PLAAT1: variants seen among roughly 807,000 people sequenced by gnomAD.
The protein encoded by PLAAT1 is phospholipase A and acyltransferase 1, also known as H-REV107 protein-related protein.
PLAAT1 carries 13 observed loss-of-function variants against 16.4 expected under a neutral mutation model. That is an observed-to-expected ratio of 0.79 (90% CI 0.52 to 1.26). The LOEUF is 1.26. Among genes scored for constraint, PLAAT1 ranks in the 50% most tolerant of loss-of-function variants. The probability of loss-of-function intolerance (pLI) is 0.00; values close to 1 mark genes in which losing one functional copy is unlikely to be tolerated. For missense variants in PLAAT1, 218 were observed against 207.8 expected (o/e 1.05, Z -0.30); for synonymous variants, 73 against 78.4 (o/e 0.93, Z 0.36).
intron 1 of PLAAT1, among the ~76,000 whole-genome samples, chr3:193,245,489 A>G (rs573433977): frequency 3.3e-5 from 5 of 152,340 alleles, no homozygotes; most frequent in Admixed American, 6.5e-5. Context: ...GAACAATGCT[A>G]AAATGAACAT....
chr3:193,267,330 G>A (rs964577950), intron 3 of PLAAT1, among the ~76,000 whole-genome samples: 1 of 151,902 alleles, frequency 6.6e-6, no homozygotes, highest in Non-Finnish European at 1.5e-5. Flanking sequence ...TAATTTTCCT[G>A]CCCTAAAACT....
intron 1 of PLAAT1, among the ~76,000 whole-genome samples, chr3:193,255,009 A>G (rs1716321256): frequency 2.0e-5 from 3 of 152,168 alleles, no homozygotes; most frequent in Non-Finnish European, 2.9e-5. Flanking sequence ...TTTGTAATAT[A>G]TGGCATTTTT....
chr3:193,268,738 G>A (rs2367474), intron 3 of PLAAT1, among the ~76,000 whole-genome samples: 58,222 of 151,962 alleles, frequency 0.38, 12,788 homozygotes, highest in Non-Finnish European at 0.48. Flanking sequence ...ATGATATCTG[G>A]CCTTTGTCAT....
At chr3:193,264,217 G>T (rs915155853) in intron 3 of PLAAT1, among the ~76,000 whole-genome samples, 1 of 152,120 alleles carries the variant, frequency 6.6e-6, no homozygotes. Flanking sequence ...AAGAAATGAG[G>T]TTATAATTCT....
downstream of PLAAT1, among the ~76,000 whole-genome samples, chr3:193,278,659 A>C (rs1185134270): frequency 2.6e-5 from 4 of 152,180 alleles, no homozygotes; most frequent in African/African-American, 4.8e-5. Flanking sequence ...GTTGCATCTC[A>C]TCAATGAAAT....
chr3:193,270,583 T>G (rs1716951154), intron 3 of PLAAT1, 21 bp from the exon 4 acceptor site: 1 of 1,605,262 alleles, frequency 6.2e-7, no homozygotes, highest in Non-Finnish European at 8.5e-7. Context: ...TGTTTTTTGT[T>G]TACTTCTTGT....
At chr3:193,256,306 AG>A (rs1477119692) in intron 2 of PLAAT1, among the ~76,000 whole-genome samples, 1 of 152,148 alleles carries the variant, frequency 6.6e-6, no homozygotes, top group Non-Finnish European at 1.5e-5. Context: ...AGAAGTGCTG[AG>A]GGCAGAAGGT....
chr3:193,269,436 C>G (rs13090460), intron 3 of PLAAT1, among the ~76,000 whole-genome samples: 59,172 of 151,976 alleles, frequency 0.39, 13,235 homozygotes, highest in Non-Finnish European at 0.49. Flanking sequence ...GGAGCCAAGA[C>G]TTCTGTTGTG....
intron 1 of PLAAT1, among the ~76,000 whole-genome samples, chr3:193,250,194 A>G (rs1176373432): frequency 6.6e-6 from 1 of 152,070 alleles, no homozygotes; most frequent in Non-Finnish European, 1.5e-5. Flanking sequence ...TGTGCTTGTA[A>G]AATCTGCTAT....
At chr3:193,272,327 C>T (rs1031744624), downstream of PLAAT1, among the ~76,000 whole-genome samples, 1 of 152,086 alleles carries the variant, frequency 6.6e-6, no homozygotes, top group African/African-American at 2.4e-5. Context: ...CCTACAGTCC[C>T]AGCTACTCAG....
chr3:193,262,341 CT>C (rs770490913), intron 2 of PLAAT1, among the ~76,000 whole-genome samples: 68 of 53,908 alleles, frequency 1.3e-3, no homozygotes, highest in Non-Finnish European at 1.7e-3. Flanking sequence ...ACTTAGGGGG[CT>C]TTTTTTTTTT....
At chr3:193,279,314 A>G, downstream of PLAAT1, 2 of 1,348,202 alleles carry the variant, frequency 1.5e-6, no homozygotes, top group African/African-American at 2.9e-5. Context: ...TACAATGAAT[A>G]CATGGTCCAT....
chr3:193,246,610 C>T (rs1237653522), intron 1 of PLAAT1, among the ~76,000 whole-genome samples: 1 of 152,168 alleles, frequency 6.6e-6, no homozygotes, highest in African/African-American at 2.4e-5. Flanking sequence ...TATCCATCTG[C>T]CTCGGCCTCC....
At chr3:193,244,880 T>C (rs958909243) in intron 1 of PLAAT1, among the ~76,000 whole-genome samples, 1 of 152,176 alleles carries the variant, frequency 6.6e-6, no homozygotes, top group African/African-American at 2.4e-5. Context: ...AATAGATTAA[T>C]CCATTCATGA....
chr3:193,242,481 G>A (rs145641400), intron 1 of PLAAT1, among the ~76,000 whole-genome samples: 1 of 152,132 alleles, frequency 6.6e-6, no homozygotes, highest in Non-Finnish European at 1.5e-5. Flanking sequence ...ATTCTGGGTA[G>A]AAGGTTCAGT....
At chr3:193,243,411 C>T (rs945411485) in intron 1 of PLAAT1, among the ~76,000 whole-genome samples, 1 of 152,170 alleles carries the variant, frequency 6.6e-6, no homozygotes, top group Non-Finnish European at 1.5e-5. Context: ...CTAACCTCAC[C>T]CGGAAACTCC....
At chr3:193,257,925 C>T (rs966400066) in intron 2 of PLAAT1, among the ~76,000 whole-genome samples, 14 of 152,172 alleles carry the variant, frequency 9.2e-5, no homozygotes, top group Non-Finnish European at 2.1e-4. Flanking sequence ...ATTCTTGGAC[C>T]TACACCAGTG....
At chr3:193,248,583 A>G (rs918372790) in intron 1 of PLAAT1, among the ~76,000 whole-genome samples, 4 of 152,058 alleles carry the variant, frequency 2.6e-5, no homozygotes, top group Non-Finnish European at 4.4e-5. Context: ...GTATCTACTA[A>G]GAATTTTTCC....
At chr3:193,269,245 T>G (rs1716890137) in intron 3 of PLAAT1, among the ~76,000 whole-genome samples, 1 of 152,138 alleles carries the variant, frequency 6.6e-6, no homozygotes, top group Non-Finnish European at 1.5e-5. Flanking sequence ...AGATAAGAAA[T>G]CAAATAAAAT....
Sources: gnomAD v4.1 joint callset for allele counts (sites outside exome capture counted in the v4.1 genomes callset) on GRCh38, gnomAD v4.1.1 for gene constraint, MANE v1.5 for transcripts, NCBI Gene and HGNC (gene_info 2026-07-23, HGNC 2026-07-21) for gene names.